MAF: variants seen among roughly 807,000 people sequenced by gnomAD.
MAF encodes MAF bZIP transcription factor.
A neutral mutation model predicts 22.0 loss-of-function variants in MAF; 10 were observed. The observed-to-expected ratio is 0.45, with a 90% CI of 0.28 to 0.77. The LOEUF is 0.77. MAF is among the 30% of genes least tolerant of loss of function. The pLI is 0.12. For synonymous variants in MAF, 337 were observed against 255.8 expected, an observed-to-expected ratio of 1.32 and a Z score of -3.03; for missense variants, 544 against 548.4, an observed-to-expected ratio of 0.99 and a Z score of 0.08.
Position 79,594,413 on chromosome 16 carries a change from A to G in MAF, c.*47T>C. On this transcript the variant is annotated 3_prime_UTR_variant, in exon 2 of 2. Coordinates refer to ENST00000326043, the MANE Select transcript of MAF (RefSeq NM_005360.5). ...AGGTGGTTCTCCATGACTGCAAATA[A>G]TAATAATAATGATGATTTTTTTTAA... is the stretch of plus-strand genomic sequence containing the variant. 2 of 1,505,740 alleles carry G rather than the reference A, an allele frequency of 1.3e-6. No homozygotes were observed. The highest frequency in any genetic ancestry group is 1.2e-5 in the South Asian group (1 of 82,994). The allele number at this position is 1,505,740 out of a possible 1,614,324, so 93.3% of individuals were successfully genotyped here.
chr16:79,524,811 G>C, the MAF span, among the ~76,000 whole-genome samples: 1 of 152,110 alleles, frequency 6.6e-6, no homozygotes, highest in African/African-American at 2.4e-5. Flanking sequence ...TAAGTACTTA[G>C]GCAACATCAA....
chr16:79,208,265 G>T, the MAF span, among the ~76,000 whole-genome samples: 1 of 152,110 alleles, frequency 6.6e-6, no homozygotes, highest in African/African-American at 2.4e-5. Context: ...GAAATTCTCA[G>T]TCCTGTGTCG....
chr16:79,371,430 C>G, the MAF span, among the ~76,000 whole-genome samples: 1 of 152,184 alleles, frequency 6.6e-6, no homozygotes, highest in African/African-American at 2.4e-5. Context: ...GAAATATGTG[C>G]TCATCTTCAA....
the MAF span, among the ~76,000 whole-genome samples, chr16:79,436,634 G>C: frequency 6.6e-6 from 1 of 152,200 alleles, no homozygotes; most frequent in East Asian, 1.9e-4. Flanking sequence ...TCACCAAATT[G>C]AGATCACTTC....
At chr16:79,576,548 C>T in the MAF span, among the ~76,000 whole-genome samples, 1 of 150,012 alleles carries the variant, frequency 6.7e-6, no homozygotes, top group East Asian at 1.9e-4. Flanking sequence ...AGGAGGAGTG[C>T]TATTTTTTTT....
chr16:79,356,981 G>A, the MAF span, among the ~76,000 whole-genome samples: 2 of 152,238 alleles, frequency 1.3e-5, no homozygotes, highest in South Asian at 4.1e-4. Context: ...ACTAGACCGG[G>A]GATGGTGGCT....
intron 1 of MAF, chr16:79,595,241 C>T: frequency 9.6e-7 from 1 of 1,045,430 alleles, no homozygotes; most frequent in African/African-American, 1.7e-5. Flanking sequence ...GATTCAGGAG[C>T]CTGTCTAAAC....
chr16:79,380,032 C>G, the MAF span, among the ~76,000 whole-genome samples: 1 of 152,184 alleles, frequency 6.6e-6, no homozygotes, highest in African/African-American at 2.4e-5. Flanking sequence ...CACGCACACT[C>G]CCTTCTCAGG....
downstream of MAF, among the ~76,000 whole-genome samples, chr16:79,592,087 G>A (rs765112904): frequency 4.6e-5 from 7 of 152,172 alleles, no homozygotes; most frequent in East Asian, 1.9e-4. Flanking sequence ...TGGGCCTCCC[G>A]CTTTTAAAGT....
At chr16:79,237,853 G>A in the MAF span, among the ~76,000 whole-genome samples, 2 of 152,028 alleles carry the variant, frequency 1.3e-5, no homozygotes, top group Non-Finnish European at 2.9e-5. Context: ...TCCCATGGGG[G>A]GCACAGTCAC....
chr16:79,597,803 T>C, intron 1 of MAF: 1 of 1,020,810 alleles, frequency 9.8e-7, no homozygotes, highest in Non-Finnish European at 1.2e-6. Flanking sequence ...ATGCAGGCTT[T>C]TTTTTTTTAT....
the MAF span, among the ~76,000 whole-genome samples, chr16:79,555,805 A>G: frequency 6.6e-6 from 1 of 152,224 alleles, no homozygotes; most frequent in Non-Finnish European, 1.5e-5. Flanking sequence ...TGAACCCATT[A>G]ATAGTATTTC....
chr16:79,355,707 G>C, the MAF span, among the ~76,000 whole-genome samples: 3 of 152,158 alleles, frequency 2.0e-5, no homozygotes, highest in Non-Finnish European at 4.4e-5. Flanking sequence ...GGTACAAAAA[G>C]AAATTCCCCT....
chr16:79,358,444 T>A, the MAF span, among the ~76,000 whole-genome samples: 6 of 152,008 alleles, frequency 3.9e-5, no homozygotes, highest in African/African-American at 1.5e-4. Flanking sequence ...TGACGTTCAT[T>A]TGGGAGAAGG....
At chr16:79,353,270 A>G in the MAF span, among the ~76,000 whole-genome samples, 1 of 152,094 alleles carries the variant, frequency 6.6e-6, no homozygotes, top group Non-Finnish European at 1.5e-5. Flanking sequence ...CTGGGACCAC[A>G]ATGGCCTACA....
chr16:79,492,724 G>A, the MAF span, among the ~76,000 whole-genome samples: 1 of 152,158 alleles, frequency 6.6e-6, no homozygotes, highest in Non-Finnish European at 1.5e-5. Flanking sequence ...TATGCAACAT[G>A]CAGCGAATCT....
chr16:79,261,264 C>T, the MAF span, among the ~76,000 whole-genome samples: 4 of 152,248 alleles, frequency 2.6e-5, no homozygotes, highest in Admixed American at 6.5e-5. Flanking sequence ...GAGATTCTCC[C>T]GCTTCAGCCT....
chr16:79,212,255 A>G, the MAF span: 2 of 1,318,682 alleles, frequency 1.5e-6, no homozygotes, highest in Non-Finnish European at 2.0e-6. Flanking sequence ...TCCAGGAGAT[A>G]ATTGTTTCAT....
At chr16:79,416,719 A>G in the MAF span, among the ~76,000 whole-genome samples, 1 of 152,172 alleles carries the variant, frequency 6.6e-6, no homozygotes, top group South Asian at 2.1e-4. Context: ...AAGAAATGGA[A>G]TTGGGATTAG....
Sources: gnomAD v4.1 joint callset for allele counts (sites outside exome capture counted in the v4.1 genomes callset) on GRCh38, gnomAD v4.1.1 for gene constraint, MANE v1.5 for transcripts, NCBI Gene and HGNC (gene_info 2026-07-23, HGNC 2026-07-21) for gene names.